The following CNTNAP2 variants were observed in gnomAD, a reference collection of about 807,000 sequenced individuals.
The protein encoded by CNTNAP2 is contactin-associated protein-like 2.
In CNTNAP2, 98 loss-of-function variants were observed where a neutral mutation model predicts 155.2. The ratio of observed to expected loss-of-function variants is 0.63; its 90% confidence interval spans 0.54 to 0.75. CNTNAP2 has a LOEUF of 0.75. Among genes scored for constraint, CNTNAP2 ranks in the 30% least tolerant of loss-of-function variants. The pLI, the probability that CNTNAP2 is intolerant of heterozygous loss-of-function variation, is 0.00. For synonymous variants in CNTNAP2, 651 were observed against 631.2 expected (o/e 1.03, Z -0.47); for missense variants, 1,727 against 1,688.1 (o/e 1.02, Z -0.40).
intron 3 of CNTNAP2, among the ~76,000 whole-genome samples, chr7:146,921,453 C>A (rs934177572): frequency 4.0e-5 from 6 of 151,862 alleles, no homozygotes; most frequent in African/African-American, 9.7e-5. Context: ...AGTTCTCATG[C>A]GGCTAACAAA....
At chr7:147,902,810 G>A (rs1393116250) in intron 13 of CNTNAP2, among the ~76,000 whole-genome samples, 361 of 130,314 alleles carry the variant, frequency 2.8e-3, no homozygotes, top group African/African-American at 6.3e-3. Context: ...GTGTGTGTGT[G>A]TGTATGTGTG....
chr7:146,483,322 T>TATATATATATATAC (rs1563101792), intron 1 of CNTNAP2, among the ~76,000 whole-genome samples: 3 of 85,224 alleles, frequency 3.5e-5, no homozygotes, highest in African/African-American at 6.5e-5. Context: ...TATATATATA[T>TATATATATATATAC]ATATATACAT....
chr7:147,911,284 C>T (rs2116764132), intron 14 of CNTNAP2, among the ~76,000 whole-genome samples: 1 of 152,294 alleles, frequency 6.6e-6, no homozygotes, highest in East Asian at 1.9e-4. Context: ...TAAGGTTTCA[C>T]TTACATAGGC....
At chr7:146,151,708 A>ATATATGTATATG (rs1463750885) in intron 1 of CNTNAP2, among the ~76,000 whole-genome samples, 4 of 62,232 alleles carry the variant, frequency 6.4e-5, no homozygotes, top group African/African-American at 9.8e-5. Context: ...GTATATATAT[A>ATATATGTATATG]TATATGTATA....
intron 15 of CNTNAP2, among the ~76,000 whole-genome samples, chr7:148,043,949 A>G (rs968776243): frequency 2.6e-5 from 4 of 152,202 alleles, no homozygotes; most frequent in African/African-American, 9.7e-5. Flanking sequence ...ATATTTGACT[A>G]TTCCATGGCA....
At chr7:148,309,610 T>TG (rs1302977825) in intron 21 of CNTNAP2, among the ~76,000 whole-genome samples, 1 of 150,408 alleles carries the variant, frequency 6.6e-6, no homozygotes, top group Non-Finnish European at 1.5e-5. Context: ...GTGGCAGGAG[T>TG]GGGGGTCACA....
chr7:147,578,035 T>C (rs1360863610), intron 12 of CNTNAP2, among the ~76,000 whole-genome samples: 1 of 152,118 alleles, frequency 6.6e-6, no homozygotes, highest in Non-Finnish European at 1.5e-5. Context: ...ACTTCCTTCA[T>C]TGTGGCCGCT....
chr7:146,570,227 C>G (rs1257305684), intron 1 of CNTNAP2, among the ~76,000 whole-genome samples: 1 of 149,562 alleles, frequency 6.7e-6, no homozygotes, highest in East Asian at 2.0e-4. Context: ...TTTTTTTTCT[C>G]TTTACCTTTG....
intron 10 of CNTNAP2, among the ~76,000 whole-genome samples, chr7:147,410,230 C>G (rs1219836369): frequency 6.6e-6 from 1 of 152,148 alleles, no homozygotes; most frequent in East Asian, 1.9e-4. Flanking sequence ...AAGATTATAT[C>G]TCTTGTGGGA....
rs191769323 is a variant in CNTNAP2 at position 147,358,303 on chromosome 7, A to G, written c.1499-37306A>G. Among the ~76,000 whole-genome samples, 119 of 152,262 alleles carry G rather than the reference A, an allele frequency of 7.8e-4. 1 individual carries two copies. The highest frequency in any genetic ancestry group is 2.6e-3 in the African/African-American group (109 of 41,562). On this transcript the variant is annotated intron_variant, in intron 9 of 23. Coordinates refer to ENST00000361727, the MANE Select transcript of CNTNAP2 (RefSeq NM_014141.6). The stretch of plus-strand genomic sequence containing the variant: ...GGGTGGTCTTATTTTCCTCTTCTCT[A>G]TAAGCAAACCTTTGCCCATCAAATA...
In CNTNAP2 at chr7:147,510,850, C is replaced by CATAT. The variant is rs61069153; in HGVS notation, c.1777+24827_1777+24830dup. ...AGTGCTCCTGTGATGGGCCTACAACCATATATATATATATATATATAATGC... is the reference window on the plus strand; with the variant it reads ...AGTGCTCCTGTGATGGGCCTACAACCATATATATATATATATATATATATAATGC... On this transcript the variant is annotated intron_variant, in intron 11 of 23. Coordinates refer to ENST00000361727, the MANE Select transcript of CNTNAP2 (RefSeq NM_014141.6). 2.5e-4 allele frequency among the ~76,000 whole-genome samples: 19 copies of CATAT among 76,392 alleles called. 1 individual carries two copies. Among genetic ancestry groups the CATAT allele is most frequent in the East Asian group, 1.1e-3 (3 of 2,816 alleles). 50.1% of individuals were successfully genotyped at this position (76,392 alleles called of 152,430 possible).
chr7:146,591,350 A>G (rs1002000936), intron 1 of CNTNAP2, among the ~76,000 whole-genome samples: 1 of 152,210 alleles, frequency 6.6e-6, no homozygotes, highest in Non-Finnish European at 1.5e-5. Context: ...AGAAAACAAT[A>G]GGTTCTTCAA....
At chr7:147,746,751 G>T (rs533983387) in intron 13 of CNTNAP2, among the ~76,000 whole-genome samples, 1 of 152,032 alleles carries the variant, frequency 6.6e-6, no homozygotes, top group African/African-American at 2.4e-5. Context: ...ACGCATTTTG[G>T]TAAGGGTGAG....
intron 1 of CNTNAP2, among the ~76,000 whole-genome samples, chr7:146,438,297 T>A (rs1236610558): frequency 7.2e-6 from 1 of 139,494 alleles, no homozygotes; most frequent in East Asian, 2.0e-4. Flanking sequence ...TTTTTTTTTT[T>A]AAAGAGTCTA....
chr7:148,079,644 A>T (rs1007424832), intron 15 of CNTNAP2, among the ~76,000 whole-genome samples: 69 of 152,350 alleles, frequency 4.5e-4, no homozygotes, highest in African/African-American at 1.7e-3. Context: ...TTGCAGGGCC[A>T]TTTCAAAAAT....
intron 1 of CNTNAP2, among the ~76,000 whole-genome samples, chr7:146,681,679 C>T (rs1800507583): frequency 1.3e-5 from 2 of 151,906 alleles, no homozygotes; most frequent in Non-Finnish European, 2.9e-5. Flanking sequence ...TAATTGGGTA[C>T]TAGGCTTAAT....
At chr7:146,665,650 G>A (rs959445137) in intron 1 of CNTNAP2, among the ~76,000 whole-genome samples, 9 of 151,048 alleles carry the variant, frequency 6.0e-5, no homozygotes, top group South Asian at 2.1e-4. Context: ...ATGTGGTGGC[G>A]CATGCCTGTA....
chr7:147,563,875 C>G (rs1371356953), intron 12 of CNTNAP2, among the ~76,000 whole-genome samples: 2 of 152,076 alleles, frequency 1.3e-5, no homozygotes, highest in African/African-American at 2.4e-5. Context: ...GTACTCTAGG[C>G]AAGCAGACAC....
chr7:146,690,718 T>A (rs551660311), intron 1 of CNTNAP2, among the ~76,000 whole-genome samples: 1 of 152,244 alleles, frequency 6.6e-6, no homozygotes, highest in South Asian at 2.1e-4. Context: ...TATGTATAAA[T>A]TATTTAGGAA....
Sources: allele counts gnomAD v4.1 joint callset (sites outside exome capture counted in the v4.1 genomes callset), GRCh38; gene constraint gnomAD v4.1.1; transcripts MANE v1.5; gene names NCBI Gene and HGNC (gene_info 2026-07-23, HGNC 2026-07-21).